P4HB: variants seen among roughly 807,000 people sequenced by gnomAD.
The protein encoded by P4HB is prolyl 4-hydroxylase subunit beta.
P4HB carries 20 observed loss-of-function variants against 52.6 expected under a neutral mutation model. The ratio of observed to expected loss-of-function variants is 0.38; its 90% CI spans 0.27 to 0.55. The LOEUF is 0.55. Among genes scored for constraint, P4HB ranks in the 20% least tolerant of loss-of-function variants. The pLI, the probability that P4HB is intolerant of heterozygous loss-of-function variation, is 0.74. For synonymous variants in P4HB, 296 were observed against 277.9 expected, an observed-to-expected ratio of 1.07 and a Z score of -0.65; for missense variants, 601 against 669.2, an observed-to-expected ratio of 0.90 and a Z score of 1.12.
chr17:81,845,488 G>A (rs1354735031), intron 9 of P4HB, 73 bp downstream of exon 9: 2 of 1,420,004 alleles, frequency 1.4e-6, no homozygotes, highest in Admixed American at 2.5e-5. Flanking sequence ...CTTCCAGAGA[G>A]GCACCCAGGC....
In P4HB at chr17:81,855,869, G is replaced by A. The variant is rs2038905771; in HGVS notation, c.353-283C>T. 2.6e-6 allele frequency: 1 copy of A among 377,472 alleles called. No individual in the cohort carries two copies. Among genetic ancestry groups the A allele is most frequent in the Non-Finnish European group, 4.8e-6 (1 of 210,374 alleles). 23.4% of individuals were successfully genotyped at this position (377,472 alleles called of 1,614,324 possible). On this transcript the variant is annotated intron_variant, in intron 2 of 10. Transcript: ENST00000331483. This position sits in a 1 kb window ranked among gnomAD's most constrained non-coding sequence, Gnocchi z 4.3. ...CCCATTTTTTTTCTCTGATCTCTCT[G>A]CATTTTCTTTTTTCTTTTGACACAG...
chr17:81,849,247 T>C (rs919873644), intron 4 of P4HB, among the ~76,000 whole-genome samples: 13 of 151,322 alleles, frequency 8.6e-5, no homozygotes, highest in African/African-American at 2.7e-4. Context: ...GTAATCCTAG[T>C]ACTTTGGGAG....
chr17:81,858,843 G>A (rs367794641), intron 2 of P4HB: 107 of 281,754 alleles, frequency 3.8e-4, no homozygotes, highest in African/African-American at 2.2e-3. Context: ...CAGCCATGCT[G>A]CTGCTCCTAG....
intron 4 of P4HB, among the ~76,000 whole-genome samples, chr17:81,850,619 G>A (rs1248998713): frequency 6.6e-6 from 1 of 151,654 alleles, no homozygotes; most frequent in Admixed American, 6.6e-5. Flanking sequence ...AAGTAGCTGG[G>A]ATTATAGGCA....
At position 81,860,465 on chromosome 17, in the gene P4HB, G is replaced by C. The variant is rs989514631; in HGVS notation, c.7C>G (p.Arg3Gly). ML[R>G]RALLCLAVAA... The stretch of plus-strand genomic sequence containing the variant: ...ACGGCCAGGCACAGCAGAGCGCGGC[G>C]CAGCATGTCGGACACGGATCAGGCG... The change falls in exon 1 of 11, where the codon CGC (arginine) becomes GGC (glycine). Residue 3 changes from arginine to glycine, a missense_variant. Coordinates refer to ENST00000331483, the MANE Select transcript of P4HB (RefSeq NM_000918.4). 1 of 1,331,442 alleles carries C rather than the reference G, an allele frequency of 7.5e-7. No individual in the cohort carries two copies. The highest frequency in any genetic ancestry group is 1.5e-5 in the African/African-American group (1 of 65,144). The allele number at this position is 1,331,442 out of a possible 1,614,324, so 82.5% of individuals were successfully genotyped here.
rs141223466 is a variant in P4HB at position 81,855,193 on chromosome 17, G to T, written c.573C>A (p.Asp191Glu). 2.5e-6 allele frequency: 4 copies of T among 1,613,984 alleles called. No homozygotes were observed. In the East Asian group the frequency reaches 8.9e-5, roughly 36 times the overall value. Reference sequence around the variant, plus strand: ...TGTCGAGCTGGTATTTGGAGAACACGTCACTGTTGGAAGTGATCCCAAATG... The same window carrying T: ...TGTCGAGCTGGTATTTGGAGAACACTTCACTGTTGGAAGTGATCCCAAATG... ...DIPFGITSNSDVFSKYQLDKD... is the reference protein window; with the variant it reads ...DIPFGITSNSEVFSKYQLDKD... The change falls in exon 4 of 11, where the codon GAC becomes GAA. Residue 191 changes from aspartate (D) to glutamate (E), a missense_variant. Physicochemically the swap from Asp to Glu is conservative, Grantham distance 45. Transcript: ENST00000331483. This position sits in a 1 kb window ranked among gnomAD's most constrained non-coding sequence, Gnocchi z 4.3.
At position 81,846,232 on chromosome 17, in the gene P4HB, C is replaced by G. The variant is rs1186030365; in HGVS notation, c.1056+197G>C. On this transcript the variant is annotated intron_variant, in intron 7 of 10. Transcript: ENST00000331483. This position sits in a 1 kb window ranked among gnomAD's most constrained non-coding sequence, Gnocchi z 5.7. ...GAGGTTTCCCTGAGGAGCATCTGGGCCAGCCGTGTGGACAAGAGGGCTCCT... is the reference window on the plus strand; with the variant it reads ...GAGGTTTCCCTGAGGAGCATCTGGGGCAGCCGTGTGGACAAGAGGGCTCCT... 2 of 720,830 alleles carry G rather than the reference C, an allele frequency of 2.8e-6. No homozygotes were observed. Among genetic ancestry groups the G allele is most frequent in the Admixed American group, 2.9e-5 (1 of 34,550 alleles). The allele number at this position is 720,830 out of a possible 1,614,324, so 44.7% of individuals were successfully genotyped here.
chr17:81,860,317 C>T lies in P4HB; in HGVS notation c.145+10G>A. ...CCGAGCCCCGCCCGCCCGCCAGGCC[C>T]GGCGCTCACAGAACTCCACCAGCAG... On this transcript the variant is annotated intron_variant, in intron 1 of 10. Transcript: ENST00000331483. 6.9e-7 allele frequency: 1 copy of T among 1,451,170 alleles called. No individual in the cohort carries two copies. The highest frequency in any genetic ancestry group is 1.4e-5 in the South Asian group (1 of 73,804). The allele number at this position is 1,451,170 out of a possible 1,614,324, so 89.9% of individuals were successfully genotyped here.
rs1045975760 is a variant in P4HB at position 81,860,374 on chromosome 17, T to C, written c.98A>G (p.Asn33Ser). The change falls in exon 1 of 11, where the codon AAC becomes AGC. Residue 33 changes from asparagine to serine, a missense_variant. Coordinates refer to ENST00000331483, the MANE Select transcript of P4HB (RefSeq NM_000918.4). ...EDHVLVLRKSNFAEALAAHKY... is the reference protein window; with the variant it reads ...EDHVLVLRKSSFAEALAAHKY... ...GTGGGCCGCCAGCGCCTCCGCGAAG[T>C]TGCTTTTCCGCAGCACCAGGACGTG... 2 of 1,473,646 alleles carry C rather than the reference T, an allele frequency of 1.4e-6. No homozygotes were observed. Among genetic ancestry groups the C allele is most frequent in the Non-Finnish European group, 1.8e-6 (2 of 1,111,794 alleles). 91.3% of individuals were successfully genotyped at this position (1,473,646 alleles called of 1,614,324 possible).
intron 10 of P4HB, 46 bp from the exon 11 acceptor site, chr17:81,844,138 G>A: frequency 7.4e-7 from 1 of 1,346,692 alleles, no homozygotes; most frequent in Non-Finnish European, 1.1e-6. Flanking sequence ...GGCTGCAACA[G>A]CTGAGGCTGC....
chr17:81,845,645 C>T lies in P4HB; in HGVS notation c.1275G>A (p.Met425Ile), dbSNP rs149469078. ...CCTCCACCTCGTTGGCAGTCGAGTC[C>T]ATCTTGGCGATGACGATGTTCTCAT... The part of the protein sequence containing the change: ...KDHENIVIAK[M>I]DSTANEVEAV... The change falls in exon 9 of 11, where the codon ATG becomes ATA. Residue 425 changes from methionine to isoleucine, a missense_variant. By Grantham distance (10) the Met-to-Ile change is conservative. Coordinates refer to ENST00000331483, the MANE Select transcript of P4HB (RefSeq NM_000918.4). 1.0e-4 allele frequency: 162 copies of T among 1,613,660 alleles called. No homozygotes were observed. Among genetic ancestry groups the T allele is most frequent in the Non-Finnish European group, 1.3e-4 (157 of 1,179,756 alleles).
Position 81,860,398 on chromosome 17 carries a change from T to C in P4HB, c.74A>G (p.His25Arg). The C allele has an allele frequency of 6.8e-7, 1 of 1,461,472 alleles. No individual in the cohort carries two copies. Among genetic ancestry groups the C allele is most frequent in the African/African-American group, 1.5e-5 (1 of 67,950 alleles). 90.5% of individuals were successfully genotyped at this position (1,461,472 alleles called of 1,614,324 possible). A position where few individuals can be genotyped will look rare whatever the true frequency, so the allele number is the denominator to read the frequency against. Residue 25 changes from histidine to arginine, a missense_variant, in exon 1 of 11, where the codon CAC becomes CGC. Physicochemically the swap from His to Arg is conservative, Grantham distance 29. Transcript: ENST00000331483. Reference sequence around the variant, plus strand: ...GTTGCTTTTCCGCAGCACCAGGACGTGGTCCTCCTCCTCGGGGGCGTCGGC... The same window carrying C: ...GTTGCTTTTCCGCAGCACCAGGACGCGGTCCTCCTCCTCGGGGGCGTCGGC... ...VRADAPEEED[H>R]VLVLRKSNFA...
rs1227014139 is a variant in P4HB at position 81,846,120 on chromosome 17, C to T, written c.1057-129G>A. 8 of 1,179,768 alleles carry T rather than the reference C, an allele frequency of 6.8e-6. No homozygotes were observed. The highest frequency in any genetic ancestry group is 9.2e-6 in the Non-Finnish European group (8 of 865,786). The allele number at this position is 1,179,768 out of a possible 1,614,324, so 73.1% of individuals were successfully genotyped here. A position where few individuals can be genotyped will look rare whatever the true frequency, so the allele number is the denominator to read the frequency against. On this transcript the variant is annotated intron_variant, in intron 7 of 10. Coordinates refer to ENST00000331483, the MANE Select transcript of P4HB (RefSeq NM_000918.4). The surrounding 1 kb of genome is among the most constrained non-coding windows in gnomAD (Gnocchi z 5.7). ...CACACCAGGGTGGCAGCCGCAGACA[C>T]CAACAGTGCCAAGAATCCAGAAAGA...
chr17:81,846,085 C>G lies in P4HB; in HGVS notation c.1057-94G>C. 1 of 1,411,140 alleles carries G rather than the reference C, an allele frequency of 7.1e-7. No homozygotes were observed. Among genetic ancestry groups the G allele is most frequent in the Non-Finnish European group, 9.4e-7 (1 of 1,068,994 alleles). The allele number at this position is 1,411,140 out of a possible 1,614,324, so 87.4% of individuals were successfully genotyped here. A position where few individuals can be genotyped will look rare whatever the true frequency, so the allele number is the denominator to read the frequency against. On this transcript the variant is annotated intron_variant, in intron 7 of 10. Transcript: ENST00000331483. The surrounding 1 kb of genome is among the most constrained non-coding windows in gnomAD (Gnocchi z 5.7). ...CCCTGCCCGGGACTGAGGTGCGTGG[C>G]TGCCCTGGGCACACCAGGGTGGCAG...
intron 4 of P4HB, among the ~76,000 whole-genome samples, chr17:81,854,545 A>G (rs1326468217): frequency 7.5e-6 from 1 of 134,188 alleles, no homozygotes; most frequent in Non-Finnish European, 1.6e-5. Flanking sequence ...CCCTATCTCA[A>G]AAAAAAAAAA....
Position 81,845,547 on chromosome 17 carries a change from G to T in P4HB, c.1359+14C>A, listed in dbSNP as rs572041328. On this transcript the variant is annotated intron_variant, in intron 9 of 10. Transcript: ENST00000331483. ...CCAGAGCCCGCCCCAGCCCCGTCTG[G>T]AGGGAAGGCGCACCGTCCTGTCGGC... The T allele has an allele frequency of 6.3e-6, 10 of 1,578,906 alleles. No individual in the cohort carries two copies. Among genetic ancestry groups the T allele is most frequent in the Non-Finnish European group, 8.6e-6 (10 of 1,158,116 alleles).
Position 81,846,029 on chromosome 17 carries a change from C to G in P4HB, c.1057-38G>C, listed in dbSNP as rs202079690. On this transcript the variant is annotated intron_variant, in intron 7 of 10. Transcript: ENST00000331483. The surrounding 1 kb of genome is among the most constrained non-coding windows in gnomAD (Gnocchi z 5.7). ...CAGGGCACGGTGAGGGGCGGCGATG[C>G]CTGGGGGACCACAGAGCTCCCCAAC... is the stretch of plus-strand genomic sequence containing the variant. The G allele has an allele frequency of 1.3e-6, 2 of 1,567,158 alleles. No homozygotes were observed. The highest frequency in any genetic ancestry group is 2.7e-5 in the African/African-American group (2 of 73,816).
In P4HB at chr17:81,845,541, C is replaced by T. The variant is rs201751629; in HGVS notation, c.1359+20G>A. 5.5e-5 allele frequency: 87 copies of T among 1,572,160 alleles called. No individual in the cohort carries two copies. Among genetic ancestry groups the T allele is most frequent in the Middle Eastern group, 1.7e-4 (1 of 5,882 alleles). On this transcript the variant is annotated intron_variant, in intron 9 of 10. Coordinates refer to ENST00000331483, the MANE Select transcript of P4HB (RefSeq NM_000918.4). ...CTCTTCCCAGAGCCCGCCCCAGCCC[C>T]GTCTGGAGGGAAGGCGCACCGTCCT...
intron 2 of P4HB, among the ~76,000 whole-genome samples, chr17:81,857,241 A>G (rs111318126): frequency 0.032 from 4,803 of 152,090 alleles, 246 homozygotes; most frequent in African/African-American, 0.11. Flanking sequence ...CTTACCTCCC[A>G]GGTTCAAGGG....
Sources: allele counts gnomAD v4.1 joint callset (sites outside exome capture counted in the v4.1 genomes callset), GRCh38; gene constraint gnomAD v4.1.1; non-coding constraint Gnocchi (gnomAD v3.1); transcripts MANE v1.5; gene names NCBI Gene and HGNC (gene_info 2026-07-23, HGNC 2026-07-21).